RCC2: variants seen among roughly 807,000 people sequenced by gnomAD.
The protein encoded by RCC2 is protein RCC2.
A neutral mutation model predicts 64.1 loss-of-function variants in RCC2; 19 were observed. The ratio of observed to expected loss-of-function variants is 0.30; its 90% CI spans 0.21 to 0.44. The LOEUF (loss-of-function observed/expected upper bound fraction) is 0.44, where lower values mean the gene tolerates loss of function less well. RCC2 is among the 20% of genes least tolerant of loss of function. The probability of loss-of-function intolerance (pLI) is 1.00; values close to 1 mark genes in which losing one functional copy is unlikely to be tolerated. For synonymous variants in RCC2, 325 were observed against 279.6 expected (o/e 1.16, Z -1.62); for missense variants, 508 against 710.4 (o/e 0.72, Z 3.24).
rs2075381729 is a variant in RCC2 at position 17,408,003 on chromosome 1, G to A, written c.*1087C>T. The A allele has an allele frequency of 1.3e-5, 2 of 152,400 alleles. No homozygotes were observed. Among genetic ancestry groups the A allele is most frequent in the South Asian group, 2.1e-4 (1 of 4,838 alleles). 9.4% of individuals were successfully genotyped at this position (152,400 alleles called of 1,614,324 possible). A position where few individuals can be genotyped will look rare whatever the true frequency, so the allele number is the denominator to read the frequency against. Reference sequence around the variant, plus strand: ...GACGCAGGTGGCAGTCACAGCATCCGTGCTGACACGCAAGGAAGGGGACTC... The same window carrying A: ...GACGCAGGTGGCAGTCACAGCATCCATGCTGACACGCAAGGAAGGGGACTC... On this transcript the variant is annotated 3_prime_UTR_variant, in exon 13 of 13. Transcript: ENST00000375436.
intron 4 of RCC2, among the ~76,000 whole-genome samples, chr1:17,423,631 C>T (rs746800964): frequency 1.3e-5 from 2 of 152,368 alleles, no homozygotes; most frequent in Middle Eastern, 3.4e-3. Context: ...GCCCCTACAC[C>T]GCATCTAGGT....
In RCC2 at chr1:17,408,611, ATTTTG is replaced by A; in HGVS notation, c.*474_*478del. ...GATGCTTCCGAAGCACGCGAGCGTG[ATTTTG>A]GATGGAGGCGGGCCGGTGACTGCCT... On this transcript the variant is annotated 3_prime_UTR_variant, in exon 13 of 13. Coordinates refer to ENST00000375436, the MANE Select transcript of RCC2 (RefSeq NM_018715.4). 6.2e-6 allele frequency: 1 copy of A among 160,308 alleles called. No homozygotes were observed. Among genetic ancestry groups the A allele is most frequent in the Middle Eastern group, 3.3e-3 (1 of 302 alleles). 9.9% of individuals were successfully genotyped at this position (160,308 alleles called of 1,614,324 possible).
rs929379545 is a variant in RCC2 at position 17,416,649 on chromosome 1, G to A, written c.860-3C>T. The A allele has an allele frequency of 8.1e-6, 13 of 1,606,782 alleles. No homozygotes were observed. The highest frequency in any genetic ancestry group is 1.0e-5 in the Non-Finnish European group (12 of 1,175,324). ...GAACTTCCCATCTGAGTTGTGTCCT[G>A]TAGAGACCACAGAGCCGGCCATCAG... is the stretch of plus-strand genomic sequence containing the variant. On this transcript the variant is annotated splice_polypyrimidine_tract_variant and splice_region_variant and intron_variant, in intron 7 of 12. Transcript: ENST00000375436.
At chr1:17,436,950 C>CGGGCAA (rs1045759353) in intron 2 of RCC2, among the ~76,000 whole-genome samples, 25 of 152,184 alleles carry the variant, frequency 1.6e-4, no homozygotes, top group Non-Finnish European at 2.9e-4. Flanking sequence ...TCCAAGACCC[C>CGGGCAA]GGGCAAGACC....
At chr1:17,433,826 G>A (rs1431263337) in intron 2 of RCC2, among the ~76,000 whole-genome samples, 3 of 152,172 alleles carry the variant, frequency 2.0e-5, no homozygotes, top group East Asian at 3.9e-4. Context: ...GTAGAAGACC[G>A]CTGCTCCGGG....
intron 6 of RCC2, among the ~76,000 whole-genome samples, chr1:17,421,824 C>G (rs1033473968): frequency 1.3e-5 from 2 of 151,984 alleles, no homozygotes; most frequent in East Asian, 3.9e-4. Context: ...TCAGGAGTTC[C>G]AGACCAGCCT....
At chr1:17,423,576 T>C (rs1377847171) in intron 4 of RCC2, among the ~76,000 whole-genome samples, 1 of 152,124 alleles carries the variant, frequency 6.6e-6, no homozygotes, top group Admixed American at 6.5e-5. Context: ...CAAATTCAAC[T>C]CCAAACAGAC....
rs1167851630 is a variant in RCC2 at position 17,416,466 on chromosome 1, A to G, written c.1026+14T>C. The G allele has an allele frequency of 5.6e-6, 9 of 1,599,080 alleles. No homozygotes were observed. Among genetic ancestry groups the G allele is most frequent in the Non-Finnish European group, 7.7e-6 (9 of 1,170,556 alleles). Reference sequence around the variant, plus strand: ...TGGTGCGACTCTCAGGAAGTGAGAAAAGCCGAGCCTCACCGTGTGGTTAGC... The same window carrying G: ...TGGTGCGACTCTCAGGAAGTGAGAAGAGCCGAGCCTCACCGTGTGGTTAGC... On this transcript the variant is annotated intron_variant, in intron 8 of 12. Transcript: ENST00000375436.
At chr1:17,435,220 A>G (rs1194687898) in intron 2 of RCC2, among the ~76,000 whole-genome samples, 1 of 152,242 alleles carries the variant, frequency 6.6e-6, no homozygotes, top group East Asian at 1.9e-4. Context: ...CATCTGCCAT[A>G]AGAATGTTCT....
chr1:17,420,086 G>GCCACAAC (rs2075538553), intron 7 of RCC2, among the ~76,000 whole-genome samples: 2 of 152,172 alleles, frequency 1.3e-5, no homozygotes, highest in Non-Finnish European at 2.9e-5. Context: ...TGGAGGCAGA[G>GCCACAAC]CCACAACCGG....
At chr1:17,419,730 G>A (rs1465920367) in intron 7 of RCC2, among the ~76,000 whole-genome samples, 1 of 152,206 alleles carries the variant, frequency 6.6e-6, no homozygotes, top group African/African-American at 2.4e-5. Context: ...CCGGGGTGCA[G>A]AGGGGAGGCC....
In RCC2 at chr1:17,439,554, G is replaced by A. The variant is rs1005315909; in HGVS notation, c.-18C>T. The A allele has an allele frequency of 2.7e-5, 4 of 148,254 alleles. No individual in the cohort carries two copies. The highest frequency in any genetic ancestry group is 4.5e-5 in the Non-Finnish European group (3 of 67,146). The allele number at this position is 148,254 out of a possible 1,614,324, so 9.2% of individuals were successfully genotyped here. On this transcript the variant is annotated 5_prime_UTR_variant, in exon 1 of 13. Coordinates refer to ENST00000375436, the MANE Select transcript of RCC2 (RefSeq NM_018715.4). ...GATTTTCAGACCCTACCTGGTTGGA[G>A]TGATGAGAAACCGGAGAGAAAAAAG... is the stretch of plus-strand genomic sequence containing the variant.
chr1:17,438,730 G>T (rs2075772762), intron 1 of RCC2, among the ~76,000 whole-genome samples: 1 of 152,056 alleles, frequency 6.6e-6, no homozygotes, highest in South Asian at 2.1e-4. Flanking sequence ...AATCCCGCAG[G>T]GCAGCCGGGA....
intron 4 of RCC2, among the ~76,000 whole-genome samples, chr1:17,423,632 G>A (rs1027417835): frequency 2.6e-5 from 4 of 152,230 alleles, no homozygotes; most frequent in African/African-American, 7.2e-5. Context: ...CCCCTACACC[G>A]CATCTAGGTT....
At chr1:17,429,264 T>C in intron 2 of RCC2, 65 bp from the exon 3 acceptor site, 2 of 1,275,578 alleles carry the variant, frequency 1.6e-6, no homozygotes, top group South Asian at 1.2e-5. Flanking sequence ...TCCAAGGCTG[T>C]CCAATGACAG....
chr1:17,423,258 CAG>C (rs1329858694), intron 4 of RCC2, among the ~76,000 whole-genome samples: 2 of 152,370 alleles, frequency 1.3e-5, no homozygotes, highest in East Asian at 3.9e-4. Flanking sequence ...CCTGGCTCAC[CAG>C]AGTTTAATCA....
At chr1:17,412,297 C>T (rs993132391) in intron 10 of RCC2, 103 bp from the exon 11 acceptor site, 36 of 996,280 alleles carry the variant, frequency 3.6e-5, no homozygotes, top group African/African-American at 6.5e-5. Flanking sequence ...TTTCCCTTGG[C>T]GTACTCATTC....
intron 2 of RCC2, among the ~76,000 whole-genome samples, chr1:17,434,806 T>C (rs902062352): frequency 2.0e-5 from 3 of 152,244 alleles, no homozygotes; most frequent in Non-Finnish European, 4.4e-5. Flanking sequence ...CCTTTACGTC[T>C]AGTCACAGAA....
intron 3 of RCC2, among the ~76,000 whole-genome samples, 179 bp from the exon 4 acceptor site, chr1:17,425,863 C>T (rs182737116): frequency 1.4e-4 from 21 of 152,310 alleles, no homozygotes; most frequent in Admixed American, 1.3e-3. Flanking sequence ...CGAATCTCTG[C>T]GATGCCTCTG....
Sources: gnomAD v4.1 joint callset for allele counts (sites outside exome capture counted in the v4.1 genomes callset) on GRCh38, gnomAD v4.1.1 for gene constraint, MANE v1.5 for transcripts, NCBI Gene and HGNC (gene_info 2026-07-23, HGNC 2026-07-21) for gene names.